PPP3R1: variants seen among roughly 807,000 people sequenced by gnomAD.
PPP3R1 encodes calcineurin subunit B type 1.
A neutral mutation model predicts 22.6 loss-of-function variants in PPP3R1; 5 were observed. That is an observed-to-expected ratio of 0.22 (90% confidence interval 0.12 to 0.46). The LOEUF (loss-of-function observed/expected upper bound fraction) is 0.46, where lower values mean the gene tolerates loss of function less well. PPP3R1 is among the 20% of genes least tolerant of loss of function. The pLI, the probability that PPP3R1 is intolerant of heterozygous loss-of-function variation, is 0.99. For synonymous variants in PPP3R1, 56 were observed against 65.2 expected (o/e 0.86, Z 0.68); for missense variants, 61 against 203.2 (o/e 0.30, Z 4.25).
chr2:68,231,546 T>C (rs976874846), intron 1 of PPP3R1, among the ~76,000 whole-genome samples: 1 of 152,198 alleles, frequency 6.6e-6, no homozygotes. Flanking sequence ...ATCACACAAG[T>C]GCTTGTTTTT....
Position 68,242,858 on chromosome 2 carries a change from G to C in PPP3R1, c.3+9267C>G, listed in dbSNP as rs181076983. ...AAATACTAATGGATAGCGCTAGTAAGGGCCAAGGGTAACATCCTTTCTGTA... is the reference window on the plus strand; with the variant it reads ...AAATACTAATGGATAGCGCTAGTAACGGCCAAGGGTAACATCCTTTCTGTA... On this transcript the variant is annotated intron_variant, in intron 1 of 5. Transcript: ENST00000234310. 2.4e-3 allele frequency among the ~76,000 whole-genome samples: 372 copies of C among 152,326 alleles called. 1 individual carries two copies. The highest frequency in any genetic ancestry group is 8.4e-3 in the African/African-American group (348 of 41,584).
At chr2:68,191,550 ACT>A (rs1315932482) in intron 2 of PPP3R1, among the ~76,000 whole-genome samples, 6 of 151,982 alleles carry the variant, frequency 3.9e-5, no homozygotes, top group African/African-American at 9.7e-5. Flanking sequence ...GACTTTATAA[ACT>A]CTGTACACTT....
At position 68,188,710 on chromosome 2, in the gene PPP3R1, G is replaced by A. The variant is rs747628124; in HGVS notation, c.44-20C>T. On this transcript the variant is annotated intron_variant, in intron 2 of 5. Coordinates refer to ENST00000234310, the MANE Select transcript of PPP3R1 (RefSeq NM_000945.4). ...CATCAACTAAAAGCAAACAAAAAAG[G>A]AAGCAAGAATTTTTTAAAAATGTTC... The A allele has an allele frequency of 2.6e-6, 4 of 1,544,588 alleles. No homozygotes were observed. The highest frequency in any genetic ancestry group is 3.5e-6 in the Non-Finnish European group (4 of 1,149,888).
chr2:68,198,585 G>A (rs927211241), intron 2 of PPP3R1, among the ~76,000 whole-genome samples: 3 of 151,632 alleles, frequency 2.0e-5, no homozygotes, highest in Non-Finnish European at 4.4e-5. Flanking sequence ...GTACCACAGT[G>A]TTATGTTTTA....
At chr2:68,193,120 A>G (rs1004656244) in intron 2 of PPP3R1, among the ~76,000 whole-genome samples, 1 of 152,172 alleles carries the variant, frequency 6.6e-6, no homozygotes, top group Non-Finnish European at 1.5e-5. Context: ...AAAGTAGTTG[A>G]TATCTGCTCT....
chr2:68,186,916 G>A (rs887925279), intron 4 of PPP3R1, among the ~76,000 whole-genome samples: 9 of 152,138 alleles, frequency 5.9e-5, no homozygotes, highest in African/African-American at 2.2e-4. Flanking sequence ...GATAAAACTG[G>A]ATATAGTAAC....
intron 1 of PPP3R1, among the ~76,000 whole-genome samples, chr2:68,229,975 C>CAT (rs1669860635): frequency 2.8e-5 from 1 of 35,824 alleles, no homozygotes; most frequent in South Asian, 1.6e-3. Context: ...TACACACATA[C>CAT]ACACACACAC....
At chr2:68,217,208 G>C in intron 1 of PPP3R1, 77 bp from the exon 2 acceptor site, 1 of 1,035,440 alleles carries the variant, frequency 9.7e-7, no homozygotes, top group South Asian at 1.5e-5. Flanking sequence ...AATATTTTAA[G>C]TCAAAAAACA....
chr2:68,187,485 C>G (rs1352739625), intron 3 of PPP3R1, among the ~76,000 whole-genome samples, 171 bp from the exon 4 acceptor site: 1 of 152,114 alleles, frequency 6.6e-6, no homozygotes, highest in Non-Finnish European at 1.5e-5. Context: ...AACAAGGTCT[C>G]TCTGTATTTT....
At chr2:68,237,223 A>C (rs1256119626) in intron 1 of PPP3R1, among the ~76,000 whole-genome samples, 1 of 152,196 alleles carries the variant, frequency 6.6e-6, no homozygotes, top group African/African-American at 2.4e-5. Context: ...CCTGCCAAGA[A>C]TACTACATAC....
chr2:68,186,800 A>G (rs1674555284), intron 4 of PPP3R1, 148 bp from the exon 5 acceptor site: 2 of 808,098 alleles, frequency 2.5e-6, no homozygotes, highest in Non-Finnish European at 3.8e-6. Flanking sequence ...CCTTAGGCAC[A>G]GTTTAACATA....
chr2:68,187,188 C>T, intron 4 of PPP3R1, 67 bp downstream of exon 4: 1 of 1,235,726 alleles, frequency 8.1e-7, no homozygotes, highest in Non-Finnish European at 1.1e-6. Context: ...TTTTAAAAAG[C>T]ATTCTATAAT....
rs199824687 is a variant in PPP3R1 at position 68,198,062 on chromosome 2, C to CAAAAAAAAAAAAAAAAAAAAA, written c.44-9393_44-9373dup. Reference sequence around the variant, plus strand: ...GCTCCCTTTACAACGGCACCTTTGGCAAAAAAAAAAAAAAAAAAAAAAAAA... The same window carrying CAAAAAAAAAAAAAAAAAAAAA: ...GCTCCCTTTACAACGGCACCTTTGGCAAAAAAAAAAAAAAAAAAAAAAAAAAAAAAAAAAAAAAAAAAAAAA... On this transcript the variant is annotated intron_variant, in intron 2 of 5. Coordinates refer to ENST00000234310, the MANE Select transcript of PPP3R1 (RefSeq NM_000945.4). 2.6e-4 allele frequency among the ~76,000 whole-genome samples: 11 copies of CAAAAAAAAAAAAAAAAAAAAA among 42,002 alleles called. 1 individual carries two copies. Among genetic ancestry groups the CAAAAAAAAAAAAAAAAAAAAA allele is most frequent in the African/African-American group, 1.2e-3 (11 of 9,098 alleles). 27.6% of individuals were successfully genotyped at this position (42,002 alleles called of 152,430 possible).
At chr2:68,229,245 C>T (rs1413267115) in intron 1 of PPP3R1, among the ~76,000 whole-genome samples, 2 of 151,946 alleles carry the variant, frequency 1.3e-5, no homozygotes, top group African/African-American at 4.8e-5. Context: ...CTCCTGGCCT[C>T]ATGCAATCCT....
At chr2:68,229,934 GTATGTGTGTATA>G (rs1183211790) in intron 1 of PPP3R1, among the ~76,000 whole-genome samples, 20 of 148,328 alleles carry the variant, frequency 1.3e-4, no homozygotes, top group Non-Finnish European at 2.4e-4. Flanking sequence ...ATATGTGTGT[GTATGTGTGTATA>G]TATGTGTGTG....
rs369007345 is a variant in PPP3R1 at position 68,209,133 on chromosome 2, C to G, written c.43+7959G>C. ...CAGCACTTTGGGAGGCCGAGGCGGG[C>G]GGATCACGAGGTCAGGAGATCGAGA... On this transcript the variant is annotated intron_variant, in intron 2 of 5. Transcript: ENST00000234310. Among the ~76,000 whole-genome samples, 154 of 149,538 alleles carry G rather than the reference C, an allele frequency of 1.0e-3. 2 individuals are homozygous for G. In the Middle Eastern group the frequency reaches 0.045, roughly 43 times the overall value.
At chr2:68,211,397 ACT>A (rs954846890) in intron 2 of PPP3R1, among the ~76,000 whole-genome samples, 2 of 88,570 alleles carry the variant, frequency 2.3e-5, no homozygotes, top group African/African-American at 5.3e-5. Context: ...ACTGAGCGAG[ACT>A]CTGTCTCAAA....
intron 2 of PPP3R1, among the ~76,000 whole-genome samples, chr2:68,215,739 T>C (rs1232427856): frequency 6.6e-6 from 1 of 152,218 alleles, no homozygotes; most frequent in East Asian, 1.9e-4. Flanking sequence ...TGGGAGAGTA[T>C]AGAAGACAAC....
chr2:68,228,416 T>C (rs541612105), intron 1 of PPP3R1, among the ~76,000 whole-genome samples: 1 of 152,236 alleles, frequency 6.6e-6, no homozygotes, highest in African/African-American at 2.4e-5. Flanking sequence ...GGTGTGATAG[T>C]TTGTGTTTAA....
Sources: allele counts gnomAD v4.1 joint callset (sites outside exome capture counted in the v4.1 genomes callset), GRCh38; gene constraint gnomAD v4.1.1; transcripts MANE v1.5; gene names NCBI Gene and HGNC (gene_info 2026-07-23, HGNC 2026-07-21).